Variants in MAN2B1 observed in about 807,000 individuals in gnomAD.
MAN2B1 encodes mannosidase alpha class 2B member 1.
In MAN2B1, 99 loss-of-function variants were observed where a neutral mutation model predicts 127.5. The ratio of observed to expected loss-of-function variants is 0.78; its 90% CI spans 0.66 to 0.92. MAN2B1 has a LOEUF of 0.92. Ranked by LOEUF, MAN2B1 falls within the 40% of genes least tolerant of loss-of-function variation. MAN2B1 has a pLI of 0.00. For missense variants in MAN2B1, 1,304 were observed against 1,384.8 expected (o/e 0.94, Z 0.93); for synonymous variants, 573 against 568.8 (o/e 1.01, Z -0.11).
chr19:12,652,535 T>C, intron 14 of MAN2B1, 75 bp from the exon 15 acceptor site: 4 of 979,870 alleles, frequency 4.1e-6, no homozygotes, highest in African/African-American at 2.4e-5. Flanking sequence ...TTTTCTTTTT[T>C]CTTTTTTTTT....
intron 8 of MAN2B1, 37 bp from the exon 9 acceptor site, chr19:12,658,381 C>T: frequency 6.2e-7 from 1 of 1,614,184 alleles, no homozygotes; most frequent in East Asian, 2.2e-5. Flanking sequence ...GGGTCATGAC[C>T]CACGGGGCAT....
intron 14 of MAN2B1, among the ~76,000 whole-genome samples, chr19:12,654,318 A>G (rs192836174): frequency 6.6e-6 from 1 of 152,264 alleles, no homozygotes; most frequent in African/African-American, 2.4e-5. Context: ...CTGGGATTAC[A>G]GGTGTGAGCC....
At chr19:12,656,819 G>A (rs2023973114) in intron 12 of MAN2B1, 130 bp downstream of exon 12, 4 of 1,032,564 alleles carry the variant, frequency 3.9e-6, no homozygotes, top group South Asian at 2.5e-5. Flanking sequence ...CTCGAGATGC[G>A]TTGTTCTCTC....
rs1223376639 is a variant in MAN2B1 at position 12,648,335 on chromosome 19, C to T, written c.2504G>A (p.Gly835Glu). The change falls in exon 21 of 24, where the codon GGG becomes GAG. Residue 835 changes from glycine (G) to glutamate (E), a missense_variant. Transcript: ENST00000456935. ...CAGGTGGCGCCCTCGCACCCACGCC[C>T]CCGACCCGTTCTCCATTAGTGGCTC... is the stretch of plus-strand genomic sequence containing the variant. Reference protein sequence around the residue: ...VSEPLMENGSGAWVRGRHLVL... With the variant: ...VSEPLMENGSEAWVRGRHLVL... 1 of 1,613,836 alleles carries T rather than the reference C, an allele frequency of 6.2e-7. No individual in the cohort carries two copies. Among genetic ancestry groups the T allele is most frequent in the Non-Finnish European group, 8.5e-7 (1 of 1,179,950 alleles).
rs145108101 is a variant in MAN2B1, at chr19:12,646,529, G to A, written c.*91C>T. On this transcript the variant is annotated 3_prime_UTR_variant, in exon 24 of 24. Coordinates refer to ENST00000456935, the MANE Select transcript of MAN2B1 (RefSeq NM_000528.4). ...GAGCGACCTGAGTCTTAGTAGTAGC[G>A]TTTTAATGGCAGCAGCCCCAAGAGG... 600 of 1,007,482 alleles carry A rather than the reference G, an allele frequency of 6.0e-4. 2 individuals are homozygous for A. The East Asian group carries it at 0.013, about 22-fold the overall frequency. The allele number at this position is 1,007,482 out of a possible 1,614,324, so 62.4% of individuals were successfully genotyped here. A position where few individuals can be genotyped will look rare whatever the true frequency, so the allele number is the denominator to read the frequency against.
intron 4 of MAN2B1, 116 bp from the exon 5 acceptor site, chr19:12,663,951 G>GT: frequency 7.4e-7 from 1 of 1,350,598 alleles, no homozygotes; most frequent in Non-Finnish European, 1.0e-6. Flanking sequence ...GTGCTAGGTC[G>GT]ATGTGGTGGC....
chr19:12,665,169 AG>A (rs1250802537), intron 3 of MAN2B1, 182 bp downstream of exon 3: 35 of 1,033,592 alleles, frequency 3.4e-5, no homozygotes, highest in Non-Finnish European at 1.5e-6. Flanking sequence ...GGCTTCCCAG[AG>A]GATGCACAGC....
intron 4 of MAN2B1, 64 bp from the exon 5 acceptor site, chr19:12,663,899 C>T (rs1287298185): frequency 6.2e-7 from 1 of 1,608,536 alleles, no homozygotes; most frequent in Admixed American, 1.7e-5. Flanking sequence ...CCAAACTCCC[C>T]TCTGCTTGGG....
At chr19:12,648,040 G>T in intron 21 of MAN2B1, 135 bp downstream of exon 21, 1 of 912,600 alleles carries the variant, frequency 1.1e-6, no homozygotes, top group Non-Finnish European at 1.7e-6. Context: ...CTGCCCAGGG[G>T]ATGGGGTTGG....
Position 12,653,602 on chromosome 19 carries a change from A to T in MAN2B1, c.1831-1142T>A, listed in dbSNP as rs182991828. Among the ~76,000 whole-genome samples the T allele has an allele frequency of 6.3e-3, 912 of 145,890 alleles. 11 individuals carry two copies. The highest frequency in any genetic ancestry group is 0.022 in the African/African-American group (855 of 39,472). ...AGTGAAACTCCATCTCTACTAAATT[A>T]AAAAAAAAAAAATTTAAATTTGTTT... On this transcript the variant is annotated intron_variant, in intron 14 of 23. Transcript: ENST00000456935.
In MAN2B1 at chr19:12,647,787, G is replaced by A. The variant is rs1425424749; in HGVS notation, c.2665-189C>T. On this transcript the variant is annotated intron_variant, in intron 21 of 23. Coordinates refer to ENST00000456935, the MANE Select transcript of MAN2B1 (RefSeq NM_000528.4). This position sits in a 1 kb window ranked among gnomAD's most constrained non-coding sequence, Gnocchi z 4.9. ...ACTGAGCCAATGGGGAGATGGGTCGGTCCCAAGCTTAGGGTTCGAGTCCCG... is the reference window on the plus strand; with the variant it reads ...ACTGAGCCAATGGGGAGATGGGTCGATCCCAAGCTTAGGGTTCGAGTCCCG... 5 of 611,002 alleles carry A rather than the reference G, an allele frequency of 8.2e-6. No homozygotes were observed. Among genetic ancestry groups the A allele is most frequent in the Non-Finnish European group, 1.4e-5 (5 of 346,690 alleles). The allele number at this position is 611,002 out of a possible 1,614,324, so 37.8% of individuals were successfully genotyped here.
In MAN2B1 at chr19:12,661,362, G is replaced by T; in HGVS notation, c.924C>A (p.Arg308=). ...NVATAQGRYY[R]TNHTVMTMGS... ...CCATGGTCATCACAGTGTGGTTGGT[G>T]CGGTAATACCGGCCCTGCAGGCAAG... Residue 308 remains arginine, a synonymous_variant, in exon 7 of 24, where the codon CGC becomes CGA. Transcript: ENST00000456935. 3.7e-6 allele frequency: 6 copies of T among 1,612,536 alleles called. No homozygotes were observed. The highest frequency in any genetic ancestry group is 1.1e-5 in the South Asian group (1 of 91,068).
chr19:12,657,326 T>C (rs1332615772), intron 11 of MAN2B1, 120 bp downstream of exon 11: 1 of 875,642 alleles, frequency 1.1e-6, no homozygotes, highest in East Asian at 3.1e-5. Context: ...CACGAGCCCT[T>C]GTAGCCCCGC....
Position 12,656,941 on chromosome 19 carries a change from C to G in MAN2B1, c.1527+8G>C, listed in dbSNP as rs1216647114. ...TGCCCTAGATCCACCCCTCCCGTCC[C>G]GGCTCACGCGCGCCGCCGTCTGGCT... On this transcript the variant is annotated splice_region_variant and intron_variant, in intron 12 of 23. Transcript: ENST00000456935. 1 of 1,610,548 alleles carries G rather than the reference C, an allele frequency of 6.2e-7. No individual in the cohort carries two copies. The highest frequency in any genetic ancestry group is 2.2e-5 in the East Asian group (1 of 44,842).
At chr19:12,659,256 C>A (rs1217897283) in intron 7 of MAN2B1, among the ~76,000 whole-genome samples, 2 of 150,982 alleles carry the variant, frequency 1.3e-5, no homozygotes, top group Non-Finnish European at 2.9e-5. Flanking sequence ...TTGTTTTGCA[C>A]GAGCTGTGTC....
Position 12,652,271 on chromosome 19 carries a change from C to A in MAN2B1, c.1929-1G>T, listed in dbSNP as rs763100457. On this transcript the variant is annotated splice_acceptor_variant, in intron 15 of 23. Coordinates refer to ENST00000456935, the MANE Select transcript of MAN2B1 (RefSeq NM_000528.4). LOFTEE classifies it high-confidence loss of function. Reference sequence around the variant, plus strand: ...GTTGTCACCTATACTGGCGTTGTACCTGGAGTTGGGGCAGGTGAGAGTCAG... The same window carrying A: ...GTTGTCACCTATACTGGCGTTGTACATGGAGTTGGGGCAGGTGAGAGTCAG... The A allele has an allele frequency of 2.5e-6, 4 of 1,613,696 alleles. No homozygotes were observed. In the African/African-American group the frequency reaches 4.0e-5, roughly 16 times the overall value.
At position 12,652,270 on chromosome 19, in the gene MAN2B1, C is replaced by T. The variant is rs398123455; in HGVS notation, c.1929G>A (p.Trp643Ter). 1 of 1,613,820 alleles carries T rather than the reference C, an allele frequency of 6.2e-7. No homozygotes were observed. The highest frequency in any genetic ancestry group is 1.3e-5 in the African/African-American group (1 of 75,000). ...LLLPVRQTFF[W>*]YNASIGDNES... ...CGTTGTCACCTATACTGGCGTTGTA[C>T]CTGGAGTTGGGGCAGGTGAGAGTCA... is the stretch of plus-strand genomic sequence containing the variant. The change falls in exon 16 of 24, where the codon TGG (tryptophan) becomes TGA (stop). Residue 643 changes from tryptophan (W) to a stop codon, truncating the protein, a stop_gained and splice_region_variant. Coordinates refer to ENST00000456935, the MANE Select transcript of MAN2B1 (RefSeq NM_000528.4). LOFTEE classifies it high-confidence loss of function.
Position 12,658,092 on chromosome 19 carries a change from G to A in MAN2B1, c.1280C>T (p.Pro427Leu). Residue 427 changes from proline to leucine, a missense_variant, in exon 10 of 24, where the codon CCC (proline) becomes CTC (leucine). Transcript: ENST00000456935. ...ALVGLAANVG[P>L]YGSGDSAPLN... ...GGGTGCACTGTCTCCGGAGCCATAG[G>A]GTCCCACGTTGGCCGCCAGGCCCAC... 4 of 1,613,390 alleles carry A rather than the reference G, an allele frequency of 2.5e-6. No homozygotes were observed. The highest frequency in any genetic ancestry group is 1.1e-5 in the South Asian group (1 of 91,084).
intron 18 of MAN2B1, 71 bp downstream of exon 18, chr19:12,649,842 A>T (rs2023798486): frequency 7.6e-7 from 1 of 1,318,884 alleles, no homozygotes; most frequent in South Asian, 1.2e-5. Context: ...GTAATCAGCA[A>T]ATTTCCCTCA....
Sources: allele counts gnomAD v4.1 joint callset (sites outside exome capture counted in the v4.1 genomes callset), GRCh38; gene constraint gnomAD v4.1.1; non-coding constraint Gnocchi (gnomAD v3.1); transcripts MANE v1.5; gene names NCBI Gene and HGNC (gene_info 2026-07-23, HGNC 2026-07-21).